The following ATXN10 variants were observed in gnomAD, a reference collection of about 807,000 sequenced individuals.
The protein encoded by ATXN10 is ataxin-10.
A neutral mutation model predicts 52.9 loss-of-function variants in ATXN10; 28 were observed. The ratio of observed to expected loss-of-function variants is 0.53; its 90% CI spans 0.39 to 0.73. The LOEUF is 0.73. Among genes scored for constraint, ATXN10 ranks in the 30% least tolerant of loss-of-function variants. The probability of loss-of-function intolerance (pLI) is 0.00; values close to 1 mark genes in which losing one functional copy is unlikely to be tolerated. For missense variants in ATXN10, 565 were observed against 577.0 expected, an observed-to-expected ratio of 0.98 and a Z score of 0.21; for synonymous variants, 226 against 221.5, an observed-to-expected ratio of 1.02 and a Z score of -0.18.
chr22:45,738,321 A>G (rs1204517849), intron 7 of ATXN10, among the ~76,000 whole-genome samples: 1 of 152,226 alleles, frequency 6.6e-6, no homozygotes, highest in Non-Finnish European at 1.5e-5. Context: ...AATGTATTTT[A>G]TGGGATATTT....
At position 45,751,446 on chromosome 22, in the gene ATXN10, G is replaced by A. The variant is rs529416508; in HGVS notation, c.1173+10908G>A. Among the ~76,000 whole-genome samples, 4 of 151,782 alleles carry A rather than the reference G, an allele frequency of 2.6e-5. No individual in the cohort carries two copies. In the South Asian group the frequency reaches 8.4e-4, roughly 32 times the overall value. ...TGTTTTTGAGAGAGAGAGAGAGAGA[G>A]AGAGGAAGAGACAGACAGAGATGGA... On this transcript the variant is annotated intron_variant, in intron 9 of 11. Coordinates refer to ENST00000252934, the MANE Select transcript of ATXN10 (RefSeq NM_013236.4).
intron 9 of ATXN10, among the ~76,000 whole-genome samples, chr22:45,791,835 G>T (rs563826102): frequency 2.0e-5 from 3 of 152,130 alleles, no homozygotes; most frequent in Non-Finnish European, 4.4e-5. Flanking sequence ...CTGTTGTTTT[G>T]GAACAACTTG....
chr22:45,745,216 ATTC>A (rs1449760830), intron 9 of ATXN10, among the ~76,000 whole-genome samples: 9 of 152,158 alleles, frequency 5.9e-5, no homozygotes, highest in South Asian at 2.1e-4. Context: ...TTTCTTCCCT[ATTC>A]TTCTTCTTTT....
chr22:45,797,536 T>C (rs76277330), intron 9 of ATXN10, among the ~76,000 whole-genome samples: 2,653 of 152,232 alleles, frequency 0.017, 39 homozygotes, highest in South Asian at 0.032. Context: ...CATACCTAAA[T>C]TGTAAGATGG....
At position 45,763,057 on chromosome 22, in the gene ATXN10, G is replaced by A. The variant is rs1042249569; in HGVS notation, c.1173+22519G>A. On this transcript the variant is annotated intron_variant, in intron 9 of 11. Coordinates refer to ENST00000252934, the MANE Select transcript of ATXN10 (RefSeq NM_013236.4). The surrounding 1 kb of genome is among the most constrained non-coding windows in gnomAD (Gnocchi z 6.9). ...TGGCCTCTCCTGCGCAAAGAACTGC[G>A]TGGTCCCTTTTCCTGGAGTAGGAGG... 6.6e-6 allele frequency among the ~76,000 whole-genome samples: 1 copy of A among 152,330 alleles called. No individual in the cohort carries two copies. The highest frequency in any genetic ancestry group is 3.4e-3 in the Middle Eastern group (1 of 294).
intron 5 of ATXN10, among the ~76,000 whole-genome samples, chr22:45,711,032 C>G (rs1279616884): frequency 1.3e-5 from 2 of 152,124 alleles, no homozygotes; most frequent in Non-Finnish European, 2.9e-5. Context: ...TTTACATCAG[C>G]AATCTATTCC....
intron 5 of ATXN10, among the ~76,000 whole-genome samples, chr22:45,706,179 GCTGT>G (rs1924035169): frequency 6.6e-6 from 1 of 152,142 alleles, no homozygotes; most frequent in South Asian, 2.1e-4. Context: ...ACTGGTCTAG[GCTGT>G]CTAATTTGTT....
chr22:45,717,911 A>G (rs1020821869), intron 5 of ATXN10, among the ~76,000 whole-genome samples: 1 of 152,128 alleles, frequency 6.6e-6, no homozygotes, highest in African/African-American at 2.4e-5. Context: ...CCATAAGTTG[A>G]TCTCTTAAGT....
intron 9 of ATXN10, among the ~76,000 whole-genome samples, chr22:45,803,187 G>C (rs1927984198): frequency 6.6e-6 from 1 of 152,140 alleles, no homozygotes; most frequent in South Asian, 2.1e-4. Context: ...AAGTCTTAGG[G>C]GTTTCTTGAC....
intron 3 of ATXN10, among the ~76,000 whole-genome samples, chr22:45,694,940 CAAA>C (rs748780048): frequency 9.1e-5 from 2 of 21,916 alleles, no homozygotes; most frequent in Non-Finnish European, 1.0e-4. Flanking sequence ...GACTCTGTCT[CAAA>C]AAAAAAAAAA....
intron 10 of ATXN10, among the ~76,000 whole-genome samples, chr22:45,807,840 G>A (rs1259827556): frequency 2.0e-5 from 3 of 152,180 alleles, no homozygotes; most frequent in African/African-American, 7.2e-5. Context: ...CAAGGACTGG[G>A]AGCGTAGCCT....
chr22:45,693,472 G>A (rs1456455272), intron 3 of ATXN10, among the ~76,000 whole-genome samples: 1 of 152,132 alleles, frequency 6.6e-6, no homozygotes. Flanking sequence ...CTCCTGTGGT[G>A]GAAGGTGGAA....
rs1435294841 is a variant in ATXN10 at position 45,705,252 on chromosome 22, G to A, written c.647+2405G>A. On this transcript the variant is annotated intron_variant, in intron 5 of 11. Coordinates refer to ENST00000252934, the MANE Select transcript of ATXN10 (RefSeq NM_013236.4). This position sits in a 1 kb window ranked among gnomAD's most constrained non-coding sequence, Gnocchi z 5.2. ...TTTGTGATTTCTTTTTCTGGTTTTG[G>A]TATCAGGTAAATACTGACTTTACAG... Among the ~76,000 whole-genome samples the A allele has an allele frequency of 6.6e-6, 1 of 151,978 alleles. No homozygotes were observed. Among genetic ancestry groups the A allele is most frequent in the Non-Finnish European group, 1.5e-5 (1 of 67,994 alleles).
intron 9 of ATXN10, chr22:45,740,812 A>G (rs1260167728): frequency 1.0e-5 from 2 of 194,842 alleles, no homozygotes; most frequent in East Asian, 1.2e-4. Context: ...ACAAATTTCT[A>G]ACACACAGTA....
rs1346391516 is a variant in ATXN10 at position 45,684,188 on chromosome 22, A to C, written c.117-5524A>C. 6.6e-6 allele frequency among the ~76,000 whole-genome samples: 1 copy of C among 150,390 alleles called. No homozygotes were observed. The highest frequency in any genetic ancestry group is 2.0e-4 in the East Asian group (1 of 5,114). On this transcript the variant is annotated intron_variant, in intron 1 of 11. Transcript: ENST00000252934. This position sits in a 1 kb window ranked among gnomAD's most constrained non-coding sequence, Gnocchi z 4.1. ...GTCTTGCTATGTTAGGCAGGTCTTG[A>C]ACTCTCCTGGCTTCTGCCTCTCAAA... is the stretch of plus-strand genomic sequence containing the variant.
intron 1 of ATXN10, chr22:45,672,656 C>T (rs896669653): frequency 2.0e-5 from 3 of 152,792 alleles, no homozygotes; most frequent in African/African-American, 7.2e-5. Context: ...ACTCCTTTCT[C>T]CTCGGCGTTA....
chr22:45,719,821 G>A (rs1051666493), intron 6 of ATXN10, among the ~76,000 whole-genome samples: 2 of 152,078 alleles, frequency 1.3e-5, no homozygotes, highest in Non-Finnish European at 2.9e-5. Context: ...TGGAGGAGAT[G>A]AGCTGTCATT....
chr22:45,719,927 A>G (rs1924586330), intron 6 of ATXN10, among the ~76,000 whole-genome samples: 1 of 152,126 alleles, frequency 6.6e-6, no homozygotes, highest in Admixed American at 6.6e-5. Flanking sequence ...GCAAGGATTC[A>G]TCCCTTCTTA....
intron 10 of ATXN10, among the ~76,000 whole-genome samples, chr22:45,831,498 G>A (rs1462511331): frequency 1.3e-5 from 2 of 151,790 alleles, no homozygotes; most frequent in Non-Finnish European, 2.9e-5. Flanking sequence ...CATTCTTCAG[G>A]GTCAAAAAAA....
Sources: allele counts gnomAD v4.1 joint callset (sites outside exome capture counted in the v4.1 genomes callset), GRCh38; gene constraint gnomAD v4.1.1; non-coding constraint Gnocchi (gnomAD v3.1); transcripts MANE v1.5; gene names NCBI Gene and HGNC (gene_info 2026-07-23, HGNC 2026-07-21).